The following PDE4D variants were observed in gnomAD, a reference collection of about 807,000 sequenced individuals.
PDE4D encodes phosphodiesterase 4D.
A neutral mutation model predicts 87.4 loss-of-function variants in PDE4D; 24 were observed. That is an observed-to-expected ratio of 0.27 (90% confidence interval 0.20 to 0.39). PDE4D has a LOEUF of 0.39. PDE4D is among the 10% of genes least tolerant of loss of function. The pLI, the probability that PDE4D is intolerant of heterozygous loss-of-function variation, is 1.00. For missense variants in PDE4D, 714 were observed against 1,041.0 expected, an observed-to-expected ratio of 0.69 and a Z score of 4.32; for synonymous variants, 384 against 383.2, an observed-to-expected ratio of 1.00 and a Z score of -0.02.
At chr5:59,210,447 T>C (rs1170547652) in intron 2 of PDE4D, among the ~76,000 whole-genome samples, 2 of 152,104 alleles carry the variant, frequency 1.3e-5, no homozygotes, top group African/African-American at 4.8e-5. Context: ...CAAGAAGTGG[T>C]GAGGGACTTG....
chr5:60,185,957 T>C (rs150356336), intron 1 of PDE4D, among the ~76,000 whole-genome samples: 119 of 148,936 alleles, frequency 8.0e-4, no homozygotes, highest in African/African-American at 2.8e-3. Flanking sequence ...AAAACAGATA[T>C]GATAGCCATA....
Position 60,441,869 on chromosome 5 carries a change from G to A in PDE4D, c.-90+46073C>T, listed in dbSNP as rs142990312. The stretch of plus-strand genomic sequence containing the variant: ...CATCATCACTGGTCATTAGAGAAAC[G>A]CAAATCAAAACCACAATGAGATACC... On this transcript the variant is annotated intron_variant, in intron 1 of 16. Transcript: ENST00000502484. 9.1e-4 allele frequency among the ~76,000 whole-genome samples: 139 copies of A among 151,918 alleles called. 1 individual carries two copies. The highest frequency in any genetic ancestry group is 3.3e-3 in the African/African-American group (136 of 41,520).
At chr5:59,385,850 CTCTA>C (rs1285523658) in intron 1 of PDE4D, among the ~76,000 whole-genome samples, 1 of 152,170 alleles carries the variant, frequency 6.6e-6, no homozygotes, top group African/African-American at 2.4e-5. Flanking sequence ...GCATCCCAAT[CTCTA>C]TCTATCTCGG....
chr5:59,755,937 A>T (rs1482653831), intron 1 of PDE4D, among the ~76,000 whole-genome samples: 1 of 151,474 alleles, frequency 6.6e-6, no homozygotes, highest in Non-Finnish European at 1.5e-5. Flanking sequence ...TAATTTAATC[A>T]GAGGGTTATC....
intron 2 of PDE4D, among the ~76,000 whole-genome samples, chr5:59,210,920 C>T (rs758709122): frequency 4.6e-5 from 7 of 152,126 alleles, no homozygotes; most frequent in Non-Finnish European, 1.0e-4. Flanking sequence ...TGCTAATTCT[C>T]CTCTTAATCT....
intron 1 of PDE4D, among the ~76,000 whole-genome samples, chr5:59,502,206 T>C (rs1808407506): frequency 6.6e-6 from 1 of 152,100 alleles, no homozygotes; most frequent in East Asian, 1.9e-4. Context: ...ATATAACTAA[T>C]AGGTAGATTA....
At chr5:59,121,979 T>C (rs1276618586) in intron 5 of PDE4D, among the ~76,000 whole-genome samples, 1 of 151,612 alleles carries the variant, frequency 6.6e-6, no homozygotes, top group East Asian at 1.9e-4. Flanking sequence ...CCATCTCTTC[T>C]TAAAATACAA....
chr5:59,899,084 T>C (rs1751961776), intron 3 of PDE4D, among the ~76,000 whole-genome samples: 1 of 152,214 alleles, frequency 6.6e-6, no homozygotes, highest in Non-Finnish European at 1.5e-5. Context: ...ACAATTAACA[T>C]TTGATATTCT....
intron 1 of PDE4D, among the ~76,000 whole-genome samples, chr5:59,603,547 G>T (rs553419152): frequency 9.9e-5 from 15 of 151,940 alleles, no homozygotes; most frequent in Non-Finnish European, 1.3e-4. Context: ...ACTGTTGATG[G>T]GAATGTAAAT....
chr5:59,653,403 C>T (rs1411860333), intron 1 of PDE4D, among the ~76,000 whole-genome samples: 1 of 151,980 alleles, frequency 6.6e-6, no homozygotes, highest in African/African-American at 2.4e-5. Context: ...GGGGTTTCGC[C>T]ACTCCCTGCC....
chr5:59,099,551 G>A (rs758158169), intron 5 of PDE4D, among the ~76,000 whole-genome samples: 7 of 152,082 alleles, frequency 4.6e-5, no homozygotes, highest in African/African-American at 9.7e-5. Flanking sequence ...TGAGAGATGC[G>A]CCGCAAAATG....
intron 1 of PDE4D, among the ~76,000 whole-genome samples, chr5:60,454,501 G>A (rs1165974101): frequency 3.9e-5 from 6 of 152,120 alleles, no homozygotes; most frequent in African/African-American, 1.4e-4. Context: ...CCTTTGCAGG[G>A]ACATGGATGA....
intron 6 of PDE4D, among the ~76,000 whole-genome samples, chr5:59,020,530 G>C (rs545184898): frequency 6.6e-6 from 1 of 152,102 alleles, no homozygotes; most frequent in South Asian, 2.1e-4. Context: ...AGGGTCATAT[G>C]TTTAACACCA....
At chr5:60,275,998 C>T (rs1022587017) in intron 1 of PDE4D, among the ~76,000 whole-genome samples, 2 of 152,128 alleles carry the variant, frequency 1.3e-5, no homozygotes, top group East Asian at 1.9e-4. Context: ...AGAACAAACA[C>T]TCTGTATGAT....
intron 3 of PDE4D, among the ~76,000 whole-genome samples, chr5:59,924,089 G>A (rs751036754): frequency 1.2e-4 from 19 of 152,322 alleles, no homozygotes; most frequent in Middle Eastern, 6.8e-3. Context: ...TAATTTACAT[G>A]CATCAGAGTC....
chr5:59,446,107 GAC>G (rs1246652003), intron 1 of PDE4D, among the ~76,000 whole-genome samples: 2 of 152,008 alleles, frequency 1.3e-5, no homozygotes, highest in Non-Finnish European at 2.9e-5. Context: ...TAGCTGCAAA[GAC>G]AATTTAATTT....
chr5:60,431,238 G>C (rs1744253816), intron 1 of PDE4D: 1 of 191,520 alleles, frequency 5.2e-6, no homozygotes, highest in Non-Finnish European at 1.1e-5. Context: ...TTCCCAGACG[G>C]GGTGGCTGCC....
chr5:60,108,891 T>C (rs1426852613), intron 2 of PDE4D, among the ~76,000 whole-genome samples: 2 of 151,970 alleles, frequency 1.3e-5, no homozygotes, highest in Admixed American at 6.6e-5. Context: ...ATGTTAGACC[T>C]AAAACCATAA....
intron 5 of PDE4D, among the ~76,000 whole-genome samples, chr5:59,165,356 C>T (rs1427106797): frequency 6.6e-6 from 1 of 152,198 alleles, no homozygotes; most frequent in Non-Finnish European, 1.5e-5. Context: ...TTACTGCAAC[C>T]TCTGCCTCCC....
Sources: gnomAD v4.1 joint callset for allele counts (sites outside exome capture counted in the v4.1 genomes callset) on GRCh38, gnomAD v4.1.1 for gene constraint, MANE v1.5 for transcripts, NCBI Gene and HGNC (gene_info 2026-07-23, HGNC 2026-07-21) for gene names.